PCNX1: variants seen among roughly 807,000 people sequenced by gnomAD.
The protein encoded by PCNX1 is pecanex 1.
Under a neutral mutation model 242.2 loss-of-function variants are expected in PCNX1, and 78 were observed. That is an observed-to-expected ratio of 0.32 (90% CI 0.27 to 0.39). The LOEUF (loss-of-function observed/expected upper bound fraction) is 0.39, where lower values mean the gene tolerates loss of function less well. Ranked by LOEUF, PCNX1 falls within the 10% of genes least tolerant of loss-of-function variation. The pLI is 1.00. For synonymous variants in PCNX1, 1,024 were observed against 1,032.9 expected, an observed-to-expected ratio of 0.99 and a Z score of 0.17; for missense variants, 2,581 against 2,856.5, an observed-to-expected ratio of 0.90 and a Z score of 2.20.
chr14:71,026,791 A>G lies in PCNX1; in HGVS notation c.3375A>G (p.Pro1125=), dbSNP rs1161154147. Residue 1125 remains proline (P), a synonymous_variant, in exon 15 of 36, where the codon CCA becomes CCG. Transcript: ENST00000304743. Reference sequence around the variant, plus strand: ...TTATAGTGTTTACACTCTGTTTCCCAATAGTGTTTTTCATTGGTCTCCTGC... The same window carrying G: ...TTATAGTGTTTACACTCTGTTTCCCGATAGTGTTTTTCATTGGTCTCCTGC... The part of the protein sequence containing the change: ...DLVIVFTLCF[P]IVFFIGLLPQ... 28 of 1,504,142 alleles carry G rather than the reference A, an allele frequency of 1.9e-5. No individual in the cohort carries two copies. Among genetic ancestry groups the G allele is most frequent in the Non-Finnish European group, 1.9e-5 (21 of 1,081,820 alleles). The allele number at this position is 1,504,142 out of a possible 1,614,324, so 93.2% of individuals were successfully genotyped here. A position where few individuals can be genotyped will look rare whatever the true frequency, so the allele number is the denominator to read the frequency against.
intron 2 of PCNX1, among the ~76,000 whole-genome samples, chr14:70,959,387 A>AC (rs1411696361): frequency 1.7e-5 from 1 of 60,208 alleles, no homozygotes; most frequent in African/African-American, 6.9e-5. Flanking sequence ...CCCTCCCCCC[A>AC]CCCCACAACA....
At chr14:71,089,043 T>G in intron 29 of PCNX1, 149 bp from the exon 30 acceptor site, 1 of 576,580 alleles carries the variant, frequency 1.7e-6, no homozygotes, top group Non-Finnish European at 3.0e-6. Context: ...CTGTCTCTTG[T>G]GATTCTGGTT....
chr14:71,107,564 T>C (rs2062658966), intron 33 of PCNX1, among the ~76,000 whole-genome samples: 1 of 152,218 alleles, frequency 6.6e-6, no homozygotes, highest in South Asian at 2.1e-4. Flanking sequence ...TAATTTTACA[T>C]TACTCTTATG....
intron 12 of PCNX1, among the ~76,000 whole-genome samples, chr14:71,019,806 A>G (rs1293027243): frequency 6.6e-6 from 1 of 152,004 alleles, no homozygotes; most frequent in Non-Finnish European, 1.5e-5. Flanking sequence ...CATGTGCAGA[A>G]TGTGCAGATT....
chr14:71,024,247 A>G (rs138158868), intron 13 of PCNX1, among the ~76,000 whole-genome samples: 1 of 152,300 alleles, frequency 6.6e-6, no homozygotes, highest in East Asian at 1.9e-4. Flanking sequence ...AGTTAATTCA[A>G]GATAATTATC....
At chr14:70,928,289 ATTC>A (rs1226356745) in intron 1 of PCNX1, among the ~76,000 whole-genome samples, 1 of 152,200 alleles carries the variant, frequency 6.6e-6, no homozygotes, top group Non-Finnish European at 1.5e-5. Flanking sequence ...CCTAGCTGCT[ATTC>A]TTCAGAATTG....
intron 26 of PCNX1, among the ~76,000 whole-genome samples, chr14:71,063,391 G>A (rs1001363580): frequency 6.6e-6 from 1 of 152,166 alleles, no homozygotes; most frequent in African/African-American, 2.4e-5. Context: ...GGAATCACAT[G>A]TACTTCATTT....
chr14:71,108,641 G>T lies in PCNX1; in HGVS notation c.6339G>T (p.Leu2113=). The T allele has an allele frequency of 6.2e-7, 1 of 1,614,030 alleles. No homozygotes were observed. Among genetic ancestry groups the T allele is most frequent in the Non-Finnish European group, 8.5e-7 (1 of 1,179,950 alleles). The change falls in exon 34 of 36, where the codon CTG becomes CTT. Residue 2113 remains leucine, a synonymous_variant. Transcript: ENST00000304743. The part of the protein sequence containing the change: ...SHSSHSVQSG[L]VRQSPARASV... Reference sequence around the variant, plus strand: ...GCTCTCACTCTGTGCAGTCGGGCCTGGTCAGACAGTCTCCTGCCCGGGCCT... The same window carrying T: ...GCTCTCACTCTGTGCAGTCGGGCCTTGTCAGACAGTCTCCTGCCCGGGCCT...
chr14:71,065,403 C>A (rs2061422086), intron 26 of PCNX1, among the ~76,000 whole-genome samples: 1 of 152,026 alleles, frequency 6.6e-6, no homozygotes, highest in African/African-American at 2.4e-5. Flanking sequence ...GTTTTTTGAC[C>A]ACATAAATGT....
intron 20 of PCNX1, among the ~76,000 whole-genome samples, chr14:71,045,508 C>T (rs1371839617): frequency 6.6e-6 from 1 of 152,218 alleles, no homozygotes; most frequent in South Asian, 2.1e-4. Flanking sequence ...AAGAAACTTA[C>T]TTCTCCCCTC....
At chr14:71,073,826 T>C (rs2141435075) in intron 27 of PCNX1, 28 bp downstream of exon 27, 2 of 1,512,990 alleles carry the variant, frequency 1.3e-6, no homozygotes, top group Non-Finnish European at 1.8e-6. Flanking sequence ...CTTAGATCTT[T>C]AGATAATCAG....
chr14:71,030,317 T>A (rs2060347309), intron 16 of PCNX1, among the ~76,000 whole-genome samples: 1 of 152,204 alleles, frequency 6.6e-6, no homozygotes, highest in East Asian at 1.9e-4. Context: ...TTTATGAAAG[T>A]TGGAGGCTTG....
chr14:71,002,084 C>T (rs1027275145), intron 8 of PCNX1, among the ~76,000 whole-genome samples: 2 of 152,306 alleles, frequency 1.3e-5, no homozygotes, highest in South Asian at 4.2e-4. Context: ...TGGACAGAAG[C>T]CCAGCAGAAA....
At chr14:71,012,881 G>A in intron 10 of PCNX1, 104 bp from the exon 11 acceptor site, 1 of 783,956 alleles carries the variant, frequency 1.3e-6, no homozygotes, top group Non-Finnish European at 2.1e-6. Flanking sequence ...TAACTGATAA[G>A]CTAATTGAGT....
chr14:70,910,050 C>T (rs1566808274), intron 1 of PCNX1, among the ~76,000 whole-genome samples: 1 of 79,838 alleles, frequency 1.3e-5, no homozygotes, highest in Non-Finnish European at 2.7e-5. Flanking sequence ...TCCTCCTCCT[C>T]CTCCTCCTCC....
intron 9 of PCNX1, among the ~76,000 whole-genome samples, chr14:71,010,250 T>C (rs565391648): frequency 1.3e-5 from 2 of 152,216 alleles, no homozygotes; most frequent in South Asian, 4.1e-4. Flanking sequence ...GTGTCAAATT[T>C]AATTGTATTT....
intron 2 of PCNX1, among the ~76,000 whole-genome samples, chr14:70,953,642 TG>T (rs1255015881): frequency 2.1e-5 from 3 of 142,680 alleles, no homozygotes; most frequent in Non-Finnish European, 4.5e-5. Context: ...TCAGGTTTTT[TG>T]TTTTTTGTGT....
At position 71,047,791 on chromosome 14, in the gene PCNX1, TTTC is replaced by T. The variant is rs1389006384; in HGVS notation, c.4161-13_4161-11del. On this transcript the variant is annotated splice_polypyrimidine_tract_variant and intron_variant, in intron 21 of 35. Transcript: ENST00000304743. ...TTTTCAGTCATGAGTTGATTTGTGT[TTTC>T]TTTGTGCCACAGATTAGGTGCTTTA... The T allele has an allele frequency of 6.3e-7, 1 of 1,589,060 alleles. No homozygotes were observed. The highest frequency in any genetic ancestry group is 1.1e-5 in the South Asian group (1 of 87,712).
intron 6 of PCNX1, among the ~76,000 whole-genome samples, chr14:70,979,326 C>G (rs117167104): frequency 0.034 from 5,157 of 152,094 alleles, 121 homozygotes; most frequent in Non-Finnish European, 0.053. Flanking sequence ...TGATGGTGTT[C>G]TGGTTAAAGT....
Sources: allele counts gnomAD v4.1 joint callset (sites outside exome capture counted in the v4.1 genomes callset), GRCh38; gene constraint gnomAD v4.1.1; transcripts MANE v1.5; gene names NCBI Gene and HGNC (gene_info 2026-07-23, HGNC 2026-07-21).